The following TGM1 variants were observed in gnomAD, a reference collection of about 807,000 sequenced individuals.
TGM1 encodes the protein protein-glutamine gamma-glutamyltransferase K.
A neutral mutation model predicts 88.7 loss-of-function variants in TGM1; 63 were observed. The ratio of observed to expected loss-of-function variants is 0.71; its 90% CI spans 0.58 to 0.88. The LOEUF (loss-of-function observed/expected upper bound fraction) is 0.88, where lower values mean the gene tolerates loss of function less well. TGM1 is among the 40% of genes least tolerant of loss of function. The pLI, the probability that TGM1 is intolerant of heterozygous loss-of-function variation, is 0.00. For missense variants in TGM1, 996 were observed against 1,118.0 expected (o/e 0.89, Z 1.56); for synonymous variants, 415 against 431.1 (o/e 0.96, Z 0.46).
At chr14:24,258,751 G>A in intron 7 of TGM1, 78 bp from the exon 8 acceptor site, 10 of 1,587,932 alleles carry the variant, frequency 6.3e-6, no homozygotes, top group Non-Finnish European at 8.6e-6. Context: ...ATCAGGGGGA[G>A]AAGGGCAACT....
At chr14:24,260,267 G>T in intron 4 of TGM1, 183 bp downstream of exon 4, 1 of 1,057,752 alleles carries the variant, frequency 9.5e-7, no homozygotes, top group Non-Finnish European at 1.4e-6. Context: ...GAGAGGTGTG[G>T]CTGGCTGTGT....
chr14:24,259,138 G>C lies in TGM1; in HGVS notation c.1096C>G (p.Leu366Val). 1 of 1,614,180 alleles carries C rather than the reference G, an allele frequency of 6.2e-7. No homozygotes were observed. The change falls in exon 7 of 15, where the codon CTA becomes GTA. Residue 366 changes from leucine to valine, a missense_variant. Physicochemically the swap from Leu to Val is conservative, Grantham distance 32. Transcript: ENST00000206765. The surrounding 1 kb of genome is among the most constrained non-coding windows in gnomAD (Gnocchi z 5.7). ...VGSVEILLSY[L>V]RTGYSVPYGQ... ...TAGGGGACGGAATATCCCGTGCGTA[G>C]GTAGCTAAGCAGGATCTCCACGCTG...
In TGM1 at chr14:24,257,514, T is replaced by C. The variant is rs564008135; in HGVS notation, c.1402+771A>G. ...CTATCTGAGCCCTGATTTTTTTCTA[T>C]GCTGTATATATAACTCACAGTGAGC... On this transcript the variant is annotated intron_variant, in intron 9 of 14. Transcript: ENST00000206765. Among the ~76,000 whole-genome samples, 162 of 152,356 alleles carry C rather than the reference T, an allele frequency of 1.1e-3. 2 individuals are homozygous for C. The highest frequency in any genetic ancestry group is 3.6e-3 in the African/African-American group (149 of 41,590).
Position 24,259,640 on chromosome 14 carries a change from G to T in TGM1, c.984+64C>A. 1.5e-6 allele frequency: 2 copies of T among 1,354,570 alleles called. No homozygotes were observed. The highest frequency in any genetic ancestry group is 2.1e-6 in the Non-Finnish European group (2 of 964,632). The allele number at this position is 1,354,570 out of a possible 1,614,324, so 83.9% of individuals were successfully genotyped here. ...AGGAATCCAGAAAGGGCAGGAGGAG[G>T]GTGGGGGTGTGGCGAGGCAGCAGGC... is the stretch of plus-strand genomic sequence containing the variant. On this transcript the variant is annotated intron_variant, in intron 6 of 14. Coordinates refer to ENST00000206765, the MANE Select transcript of TGM1 (RefSeq NM_000359.3). This position sits in a 1 kb window ranked among gnomAD's most constrained non-coding sequence, Gnocchi z 5.7.
chr14:24,253,878 G>C (rs997300412), intron 14 of TGM1, among the ~76,000 whole-genome samples: 2 of 152,238 alleles, frequency 1.3e-5, no homozygotes, highest in Non-Finnish European at 2.9e-5. Flanking sequence ...TATTAGCAAT[G>C]AGTTACTAAT....
Position 24,255,451 on chromosome 14 carries a change from C to T in TGM1, c.1558G>A (p.Glu520Lys). ...DGSFKIVYVE[E>K]KAIGTLIVTK... ...ACAATGAGTGTGCCGATGGCCTTCT[C>T]CTCCACATAAACAATCTTGAAGCTG... The change falls in exon 11 of 15, where the codon GAG becomes AAG. Residue 520 changes from glutamate to lysine, a missense_variant. Physicochemically the swap from Glu to Lys is moderately conservative, Grantham distance 56 (BLOSUM62 1). Coordinates refer to ENST00000206765, the MANE Select transcript of TGM1 (RefSeq NM_000359.3). The surrounding 1 kb of genome is among the most constrained non-coding windows in gnomAD (Gnocchi z 4.0). 1.2e-6 allele frequency: 2 copies of T among 1,614,166 alleles called. No individual in the cohort carries two copies. Among genetic ancestry groups the T allele is most frequent in the South Asian group, 1.1e-5 (1 of 91,084 alleles).
intron 7 of TGM1, 32 bp from the exon 8 acceptor site, chr14:24,258,705 A>T: frequency 6.2e-7 from 1 of 1,612,162 alleles, no homozygotes; most frequent in Non-Finnish European, 8.5e-7. Context: ...GGTTCAAGGC[A>T]TGGGTTGGGG....
chr14:24,258,472 C>T lies in TGM1; in HGVS notation c.1298+63G>A. The T allele has an allele frequency of 1.9e-6, 3 of 1,607,046 alleles. No individual in the cohort carries two copies. In the Admixed American group the frequency reaches 5.0e-5, roughly 27 times the overall value. ...CCCCAGCCTCCCCAGCCCTGCCCAC[C>T]CTCCACCTCCAAAGCTCAGGTCACC... is the stretch of plus-strand genomic sequence containing the variant. On this transcript the variant is annotated intron_variant, in intron 8 of 14. Coordinates refer to ENST00000206765, the MANE Select transcript of TGM1 (RefSeq NM_000359.3).
intron 7 of TGM1, 80 bp downstream of exon 7, chr14:24,258,995 T>G: frequency 1.3e-6 from 2 of 1,544,954 alleles, no homozygotes; most frequent in Non-Finnish European, 1.8e-6. Context: ...TAGCCACATC[T>G]GGGCAGGGCT....
At position 24,259,745 on chromosome 14, in the gene TGM1, G is replaced by A. The variant is rs397514525; in HGVS notation, c.943C>T (p.Arg315Cys). 10 of 1,612,126 alleles carry A rather than the reference G, an allele frequency of 6.2e-6. No homozygotes were observed. The highest frequency in any genetic ancestry group is 1.7e-5 in the Admixed American group (1 of 59,898). Residue 315 changes from arginine to cysteine, a missense_variant, in exon 6 of 15, where the codon CGT (arginine) becomes TGT (cysteine). Physicochemically the swap from Arg to Cys is radical, Grantham distance 180. Transcript: ENST00000206765. The surrounding 1 kb of genome is among the most constrained non-coding windows in gnomAD (Gnocchi z 5.7). ...LDRRGMPYGG[R>C]GDPVNVSRVI... ...CGGGAGACATTGACTGGGTCTCCAC[G>A]GCCTCCATATGGCATCCCCCGCCGG...
chr14:24,256,667 G>A (rs988286961), intron 9 of TGM1, among the ~76,000 whole-genome samples: 3 of 152,222 alleles, frequency 2.0e-5, no homozygotes, highest in Non-Finnish European at 2.9e-5. Context: ...GAAGAGATAG[G>A]CTGACAGGAA....
chr14:24,256,645 G>A (rs2040753943), intron 9 of TGM1, among the ~76,000 whole-genome samples: 2 of 152,346 alleles, frequency 1.3e-5, no homozygotes, highest in South Asian at 4.1e-4. Context: ...ATCATACTCA[G>A]GAGGCTGTCT....
Position 24,255,329 on chromosome 14 carries a change from G to A in TGM1, c.1645+35C>T. The A allele has an allele frequency of 6.2e-7, 1 of 1,614,238 alleles. No homozygotes were observed. The highest frequency in any genetic ancestry group is 1.7e-5 in the Admixed American group (1 of 60,026). Reference sequence around the variant, plus strand: ...AGCACTTGGCAGGAACACTTGTTGTGGGGCCCAGAGCTGGCTGGGTTGGGG... The same window carrying A: ...AGCACTTGGCAGGAACACTTGTTGTAGGGCCCAGAGCTGGCTGGGTTGGGG... On this transcript the variant is annotated intron_variant, in intron 11 of 14. Transcript: ENST00000206765. The surrounding 1 kb of genome is among the most constrained non-coding windows in gnomAD (Gnocchi z 4.0).
chr14:24,252,875 G>A (rs1050512537), intron 14 of TGM1, among the ~76,000 whole-genome samples: 1 of 152,212 alleles, frequency 6.6e-6, no homozygotes, highest in East Asian at 1.9e-4. Context: ...GCTCTGGCCT[G>A]CTCTGCTTTC....
At chr14:24,262,697 T>A (rs2040824898) in intron 1 of TGM1, among the ~76,000 whole-genome samples, 1 of 152,202 alleles carries the variant, frequency 6.6e-6, no homozygotes, top group South Asian at 2.1e-4. Context: ...TGCACACACA[T>A]CAGAGTGCTC....
At position 24,262,286 on chromosome 14, in the gene TGM1, G is replaced by C. The variant is rs1286022002; in HGVS notation, c.67C>G (p.Pro23Ala). The change falls in exon 2 of 15, where the codon CCA (proline) becomes GCA (alanine). Residue 23 changes from proline to alanine, a missense_variant. Physicochemically the swap from Pro to Ala is conservative, Grantham distance 27. Transcript: ENST00000206765. ...GGNPLQPPTT[P>A]SPEPEPEPDG... ...GGCTCTGGCTCTGGCTCTGGAGATG[G>C]CGTGGTAGGGGGCTGCAAGGGGTTG... 6.2e-7 allele frequency: 1 copy of C among 1,613,712 alleles called. No individual in the cohort carries two copies. The highest frequency in any genetic ancestry group is 1.3e-5 in the African/African-American group (1 of 75,054).
At chr14:24,249,986 T>C (rs1476513502) in intron 14 of TGM1, among the ~76,000 whole-genome samples, 1 of 152,112 alleles carries the variant, frequency 6.6e-6, no homozygotes, top group Non-Finnish European at 1.5e-5. Flanking sequence ...AGAGCATAGG[T>C]TGAAGAAAAG....
At chr14:24,260,101 T>C in intron 4 of TGM1, 43 bp from the exon 5 acceptor site, 2 of 1,550,586 alleles carry the variant, frequency 1.3e-6, no homozygotes, top group Non-Finnish European at 1.8e-6. Context: ...TCCAGTTCTC[T>C]CCCTGGGCCT....
rs141524659 is a variant in TGM1 at position 24,261,806 on chromosome 14, C to G, written c.397G>C (p.Glu133Gln). The change falls in exon 3 of 15, where the codon GAG becomes CAG. Residue 133 changes from glutamate (E) to glutamine (Q), a missense_variant. Physicochemically the swap from Glu to Gln is conservative, Grantham distance 29. Coordinates refer to ENST00000206765, the MANE Select transcript of TGM1 (RefSeq NM_000359.3). The part of the protein sequence containing the change: ...DQNRREHHTD[E>Q]YEYDELIVRR... ...ACTATCAGCTCGTCGTACTCATACT[C>G]GTCTGTGTGGTGCTCTCGGCGGTTC... The G allele has an allele frequency of 1.5e-5, 25 of 1,614,024 alleles. No individual in the cohort carries two copies. Among genetic ancestry groups the G allele is most frequent in the Non-Finnish European group, 2.0e-5 (24 of 1,180,034 alleles).
Sources: allele counts gnomAD v4.1 joint callset (sites outside exome capture counted in the v4.1 genomes callset), GRCh38; gene constraint gnomAD v4.1.1; non-coding constraint Gnocchi (gnomAD v3.1); transcripts MANE v1.5; gene names NCBI Gene and HGNC (gene_info 2026-07-23, HGNC 2026-07-21).